The following DNAH5 variants were observed in gnomAD, a reference collection of about 807,000 sequenced individuals.
DNAH5 encodes dynein axonemal heavy chain 5.
Under a neutral mutation model 518.2 loss-of-function variants are expected in DNAH5, and 372 were observed. The observed-to-expected ratio is 0.72, with a 90% CI of 0.66 to 0.78. The LOEUF is 0.78. Ranked by LOEUF, DNAH5 falls within the 30% of genes least tolerant of loss-of-function variation. DNAH5 has a pLI of 0.00. For synonymous variants in DNAH5, 2,039 were observed against 2,025.9 expected (o/e 1.01, Z -0.17); for missense variants, 5,523 against 5,687.0 (o/e 0.97, Z 0.93).
intron 65 of DNAH5, among the ~76,000 whole-genome samples, chr5:13,746,144 G>A (rs1205513933): frequency 6.6e-6 from 1 of 152,016 alleles, no homozygotes; most frequent in Non-Finnish European, 1.5e-5. Context: ...AAGGAAATGA[G>A]TCAAACTTCT....
chr5:13,723,244 T>C (rs1745295618), intron 70 of DNAH5, among the ~76,000 whole-genome samples: 1 of 152,246 alleles, frequency 6.6e-6, no homozygotes, highest in Non-Finnish European at 1.5e-5. Context: ...GCCTGATATG[T>C]TCTTTGACTT....
intron 1 of DNAH5, among the ~76,000 whole-genome samples, chr5:13,975,020 C>T (rs773806993): frequency 1.3e-5 from 2 of 152,122 alleles, no homozygotes; most frequent in African/African-American, 2.4e-5. Flanking sequence ...GCAAATACCG[C>T]GGCAGGCATC....
chr5:13,840,848 C>G, intron 34 of DNAH5, 58 bp downstream of exon 34: 1 of 1,372,174 alleles, frequency 7.3e-7, no homozygotes, highest in East Asian at 2.3e-5. Context: ...TGGGTAAATG[C>G]AGATAGTGTC....
chr5:13,895,630 G>T (rs1773819968), intron 15 of DNAH5, among the ~76,000 whole-genome samples: 24 of 152,048 alleles, frequency 1.6e-4, no homozygotes, highest in African/African-American at 5.6e-4. Flanking sequence ...AAGCACACCG[G>T]GAACCAGTAT....
chr5:13,913,235 C>T (rs1776233779), intron 11 of DNAH5, among the ~76,000 whole-genome samples: 1 of 151,912 alleles, frequency 6.6e-6, no homozygotes, highest in Non-Finnish European at 1.5e-5. Flanking sequence ...AAATTAGTCA[C>T]ACAGATACCA....
At chr5:13,819,100 G>T (rs1160853654) in intron 41 of DNAH5, among the ~76,000 whole-genome samples, 1 of 152,092 alleles carries the variant, frequency 6.6e-6, no homozygotes, top group African/African-American at 2.4e-5. Flanking sequence ...CATTTTGTTC[G>T]AGTCATTGTA....
At chr5:13,929,710 G>T (rs911859988) in intron 2 of DNAH5, among the ~76,000 whole-genome samples, 1 of 152,112 alleles carries the variant, frequency 6.6e-6, no homozygotes, top group African/African-American at 2.4e-5. Flanking sequence ...CTCTGTGCTT[G>T]AGAGCCTGAG....
At chr5:13,849,432 T>C (rs1385087144) in intron 31 of DNAH5, among the ~76,000 whole-genome samples, 1 of 152,232 alleles carries the variant, frequency 6.6e-6, no homozygotes, top group African/African-American at 2.4e-5. Flanking sequence ...GAGACTCCGC[T>C]CTGGGTTCCT....
Position 13,721,064 on chromosome 5 carries a change from T to C in DNAH5, c.12215A>G (p.Tyr4072Cys), listed in dbSNP as rs535139407. Residue 4072 changes from tyrosine to cysteine, a missense_variant, in exon 71 of 79, where the codon TAT becomes TGT. By Grantham distance (194) the Tyr-to-Cys change is radical. This residue lies in a region of DNAH5 where 5,121 missense variants were observed against 5,223.3 expected (regional missense o/e 0.98). Transcript: ENST00000265104. ...TTCCTGGCCCTGGCCCATGGACACA[T>C]AACGGGTTTCTATTTTTAATCTCTT... The part of the protein sequence containing the change: ...LGKRLKIETR[Y>C]VSMGQGQEVH... 1.9e-5 allele frequency: 30 copies of C among 1,614,010 alleles called. No individual in the cohort carries two copies. The highest frequency in any genetic ancestry group is 2.5e-5 in the Non-Finnish European group (30 of 1,179,998).
chr5:13,894,666 G>A lies in DNAH5; in HGVS notation c.2415C>T (p.Asn805=). 3 of 1,613,986 alleles carry A rather than the reference G, an allele frequency of 1.9e-6. No homozygotes were observed. The highest frequency in any genetic ancestry group is 1.7e-6 in the Non-Finnish European group (2 of 1,179,906). Residue 805 remains asparagine, a synonymous_variant, in exon 16 of 79, where the codon AAC becomes AAT. Transcript: ENST00000265104. ...CAGACTTACTGATCTTTGCAAAAGT[G>A]TTTTCTAAATAAGCCTCAATATTCA... ...TSLNIEAYLE[N]TFAKIKDLEL...
chr5:13,926,691 C>A (rs1300096576), intron 3 of DNAH5, among the ~76,000 whole-genome samples: 2 of 151,764 alleles, frequency 1.3e-5, no homozygotes, highest in Admixed American at 1.3e-4. Context: ...AATCCAAGTT[C>A]AGAAGGACTA....
intron 1 of DNAH5, among the ~76,000 whole-genome samples, chr5:13,981,367 G>A (rs111575168): frequency 4.3e-4 from 66 of 152,320 alleles, no homozygotes; most frequent in Non-Finnish European, 8.8e-4. Flanking sequence ...ACCCAGCACC[G>A]TGCCTGGCTT....
chr5:13,882,765 ACT>A lies in DNAH5; in HGVS notation c.3223_3224del (p.Ser1075Ter). ...TTTCTCCCATTTCAACATCAGAATC[ACT>A]GTCTTCATTACTCTGCAAAGCAGCC... is the stretch of plus-strand genomic sequence containing the variant. ...KMAALQSNED[S>X]DSDVEMGENE... On this transcript the variant is annotated frameshift_variant, in exon 21 of 79. Coordinates refer to ENST00000265104, the MANE Select transcript of DNAH5 (RefSeq NM_001369.3). LOFTEE classifies it high-confidence loss of function. The A allele has an allele frequency of 6.2e-7, 1 of 1,614,104 alleles. No individual in the cohort carries two copies. Among genetic ancestry groups the A allele is most frequent in the Non-Finnish European group, 8.5e-7 (1 of 1,179,930 alleles).
chr5:13,745,733 C>T (rs1749239278), intron 65 of DNAH5, among the ~76,000 whole-genome samples: 1 of 152,096 alleles, frequency 6.6e-6, no homozygotes, highest in African/African-American at 2.4e-5. Flanking sequence ...TTCAGCCCCA[C>T]ATTCCTTAGA....
intron 30 of DNAH5, among the ~76,000 whole-genome samples, chr5:13,851,987 C>A (rs1231166305): frequency 6.6e-6 from 1 of 151,932 alleles, no homozygotes; most frequent in East Asian, 1.9e-4. Flanking sequence ...GGAACTCTCC[C>A]CCGAGCCAAG....
chr5:13,964,012 A>T (rs74517049), intron 1 of DNAH5, among the ~76,000 whole-genome samples: 6,217 of 152,286 alleles, frequency 0.041, 197 homozygotes, highest in African/African-American at 0.086. Flanking sequence ...ACAAGTCTAC[A>T]GTAATTTTAC....
intron 2 of DNAH5, 70 bp downstream of exon 2, chr5:13,931,040 C>T (rs1389844238): frequency 6.2e-6 from 10 of 1,610,916 alleles, no homozygotes; most frequent in South Asian, 2.2e-5. Context: ...GGGATCCTGC[C>T]ACAGGACTGT....
Position 13,751,075 on chromosome 5 carries a change from C to T in DNAH5, c.11211+3G>A. The T allele has an allele frequency of 1.2e-6, 2 of 1,613,810 alleles. No homozygotes were observed. Among genetic ancestry groups the T allele is most frequent in the Non-Finnish European group, 1.7e-6 (2 of 1,179,840 alleles). ...GAATGGGAGGGAGCCACACTTCACT[C>T]ACCTGCTTCTCTGTGAGAATGACCC... On this transcript the variant is annotated splice_donor_region_variant and intron_variant, in intron 65 of 78. Transcript: ENST00000265104.
intron 46 of DNAH5, among the ~76,000 whole-genome samples, chr5:13,807,929 A>T (rs903186526): frequency 6.6e-6 from 1 of 152,092 alleles, no homozygotes; most frequent in Non-Finnish European, 1.5e-5. Flanking sequence ...TCGTGTCCTT[A>T]TAAGAAGAAG....
Sources: gnomAD v4.1 joint callset for allele counts (sites outside exome capture counted in the v4.1 genomes callset) on GRCh38, gnomAD v4.1.1 for gene constraint, gnomAD v4.1.1 regional missense constraint, MANE v1.5 for transcripts, NCBI Gene and HGNC (gene_info 2026-07-23, HGNC 2026-07-21) for gene names.